Variants in MSH3 observed in about 807,000 individuals in gnomAD.
MSH3 encodes mutS homolog 3.
Under a neutral mutation model 123.3 loss-of-function variants are expected in MSH3, and 106 were observed. That is an observed-to-expected ratio of 0.86 (90% CI 0.73 to 1.01). The LOEUF is 1.01. Ranked by LOEUF, MSH3 falls within the 50% of genes least tolerant of loss-of-function variation. The pLI is 0.00. For synonymous variants in MSH3, 515 were observed against 481.4 expected (o/e 1.07, Z -0.91); for missense variants, 1,459 against 1,347.6 (o/e 1.08, Z -1.29).
chr5:80,687,115 T>C (rs1008473355), intron 8 of MSH3, among the ~76,000 whole-genome samples: 5 of 152,206 alleles, frequency 3.3e-5, no homozygotes, highest in Non-Finnish European at 7.3e-5. Context: ...TCTAAAATTA[T>C]TACTCCTAAA....
At chr5:80,716,004 A>T (rs956328869) in intron 8 of MSH3, among the ~76,000 whole-genome samples, 1 of 152,128 alleles carries the variant, frequency 6.6e-6, no homozygotes, top group African/African-American at 2.4e-5. Context: ...CAATGTCTTC[A>T]TCTTTAGTGC....
chr5:80,722,690 T>G (rs1040628690), intron 8 of MSH3, among the ~76,000 whole-genome samples: 1 of 152,208 alleles, frequency 6.6e-6, no homozygotes, highest in Non-Finnish European at 1.5e-5. Context: ...TGGAGGAAAT[T>G]ACAGAACATT....
At chr5:80,819,113 A>G (rs1019930338) in intron 20 of MSH3, among the ~76,000 whole-genome samples, 5 of 152,024 alleles carry the variant, frequency 3.3e-5, no homozygotes, top group African/African-American at 9.7e-5. Context: ...ATGCAGTAGA[A>G]TGGAGTAGAA....
chr5:80,814,273 A>G (rs960223084), intron 20 of MSH3, among the ~76,000 whole-genome samples: 4 of 151,610 alleles, frequency 2.6e-5, no homozygotes, highest in African/African-American at 9.7e-5. Context: ...TATTTTATTT[A>G]TTATTATTAT....
chr5:80,767,368 T>C lies in MSH3; in HGVS notation c.1897-565T>C, dbSNP rs370741691. On this transcript the variant is annotated intron_variant, in intron 13 of 23. Coordinates refer to ENST00000265081, the MANE Select transcript of MSH3 (RefSeq NM_002439.5). ...AGTGTCTTTTTTTTCTTTTACATCC[T>C]GTTACATGGTTATTGTGAAGCTTTT... Among the ~76,000 whole-genome samples, 18 of 152,284 alleles carry C rather than the reference T, an allele frequency of 1.2e-4. No individual in the cohort carries two copies. The South Asian group carries it at 2.7e-3, about 23-fold the overall frequency.
intron 21 of MSH3, among the ~76,000 whole-genome samples, chr5:80,862,489 G>A (rs914647901): frequency 1.3e-5 from 2 of 152,164 alleles, no homozygotes; most frequent in African/African-American, 2.4e-5. Flanking sequence ...TGGGTGCAGT[G>A]GCTGATGCCT....
chr5:80,733,646 C>G (rs1342574564), intron 10 of MSH3, among the ~76,000 whole-genome samples: 1 of 151,826 alleles, frequency 6.6e-6, no homozygotes, highest in African/African-American at 2.4e-5. Flanking sequence ...AAAGATAACT[C>G]AGAAAATGGA....
At chr5:80,762,184 C>CA (rs1744046984) in intron 13 of MSH3, among the ~76,000 whole-genome samples, 1 of 151,820 alleles carries the variant, frequency 6.6e-6, no homozygotes, top group Non-Finnish European at 1.5e-5. Context: ...TGAGTCATAG[C>CA]AAAAATGAGT....
At chr5:80,711,401 C>A (rs1258354083) in intron 8 of MSH3, among the ~76,000 whole-genome samples, 1 of 152,290 alleles carries the variant, frequency 6.6e-6, no homozygotes, top group African/African-American at 2.4e-5. Flanking sequence ...AAGGCCCTTT[C>A]GCCTCTGTTG....
chr5:80,801,420 A>G (rs1169339690), intron 19 of MSH3, among the ~76,000 whole-genome samples: 2 of 152,102 alleles, frequency 1.3e-5, no homozygotes, highest in South Asian at 2.1e-4. Context: ...TGTACAACTT[A>G]TCTCGTGCTG....
chr5:80,748,721 CA>C (rs1561465017), intron 12 of MSH3, among the ~76,000 whole-genome samples: 276 of 150,762 alleles, frequency 1.8e-3, no homozygotes, highest in African/African-American at 4.2e-3. Context: ...CACACACACA[CA>C]CACACACACA....
At chr5:80,772,094 C>T (rs10076885) in intron 15 of MSH3, among the ~76,000 whole-genome samples, 1 of 151,974 alleles carries the variant, frequency 6.6e-6, no homozygotes, top group African/African-American at 2.4e-5. Flanking sequence ...CCAATTATCT[C>T]TTAACCTTGA....
Position 80,859,723 on chromosome 5 carries a change from T to G in MSH3, c.3001-5090T>G, listed in dbSNP as rs895197002. On this transcript the variant is annotated intron_variant, in intron 21 of 23. Coordinates refer to ENST00000265081, the MANE Select transcript of MSH3 (RefSeq NM_002439.5). ...ATTTCATTTTCTCTCTTTTTTTTTT[T>G]TTTTGTTTTTTGTTTTTTGGTTTCT... Among the ~76,000 whole-genome samples, 7 of 151,126 alleles carry G rather than the reference T, an allele frequency of 4.6e-5. 1 individual carries two copies. The highest frequency in any genetic ancestry group is 7.3e-5 in the African/African-American group (3 of 41,282).
chr5:80,864,309 A>C (rs1038918895), intron 21 of MSH3, among the ~76,000 whole-genome samples: 1 of 152,318 alleles, frequency 6.6e-6, no homozygotes, highest in East Asian at 1.9e-4. Context: ...GCAAAACAGC[A>C]TAAGTGCCCC....
chr5:80,784,200 A>C (rs1744458735), intron 17 of MSH3, among the ~76,000 whole-genome samples: 1 of 137,506 alleles, frequency 7.3e-6, no homozygotes, highest in African/African-American at 2.7e-5. Flanking sequence ...AAAGAGCGAG[A>C]CTACTACGTC....
chr5:80,776,926 ATATTTT>A (rs1193759018), intron 16 of MSH3, among the ~76,000 whole-genome samples: 2 of 126,900 alleles, frequency 1.6e-5, no homozygotes, highest in Non-Finnish European at 3.3e-5. Context: ...ATATATATAT[ATATTTT>A]TTTTTTTTCT....
intron 8 of MSH3, among the ~76,000 whole-genome samples, chr5:80,695,865 G>A (rs1225538763): frequency 6.6e-6 from 1 of 152,162 alleles, no homozygotes; most frequent in Non-Finnish European, 1.5e-5. Context: ...TATTTGGTAT[G>A]ATGAGTGATT....
At chr5:80,781,064 A>G (rs1013361795) in intron 17 of MSH3, among the ~76,000 whole-genome samples, 1 of 152,200 alleles carries the variant, frequency 6.6e-6, no homozygotes, top group Admixed American at 6.5e-5. Context: ...AGAGATTCCA[A>G]TTTACTTAAA....
At chr5:80,856,481 C>T (rs953669508) in intron 21 of MSH3, among the ~76,000 whole-genome samples, 1 of 137,590 alleles carries the variant, frequency 7.3e-6, no homozygotes, top group African/African-American at 2.8e-5. Flanking sequence ...TGTTCTCACT[C>T]ATAGGTGGGA....
Sources: gnomAD v4.1 joint callset for allele counts (sites outside exome capture counted in the v4.1 genomes callset) on GRCh38, gnomAD v4.1.1 for gene constraint, MANE v1.5 for transcripts, NCBI Gene and HGNC (gene_info 2026-07-23, HGNC 2026-07-21) for gene names.